Variants in PTPRN2 observed in about 807,000 individuals in gnomAD.
PTPRN2 encodes the protein receptor-type tyrosine-protein phosphatase N2.
PTPRN2 carries 74 observed loss-of-function variants against 118.8 expected under a neutral mutation model. That is an observed-to-expected ratio of 0.62 (90% CI 0.52 to 0.76). The LOEUF is 0.76. Among genes scored for constraint, PTPRN2 ranks in the 30% least tolerant of loss-of-function variants. The pLI, the probability that PTPRN2 is intolerant of heterozygous loss-of-function variation, is 0.00. For missense variants in PTPRN2, 1,481 were observed against 1,394.4 expected, an observed-to-expected ratio of 1.06 and a Z score of -0.99; for synonymous variants, 641 against 608.0, an observed-to-expected ratio of 1.05 and a Z score of -0.80.
chr7:158,306,163 T>C (rs565568512), intron 3 of PTPRN2, among the ~76,000 whole-genome samples: 1 of 152,342 alleles, frequency 6.6e-6, no homozygotes, highest in African/African-American at 2.4e-5. Context: ...ATGTTTTACT[T>C]ACCAGCCACC....
intron 11 of PTPRN2, among the ~76,000 whole-genome samples, chr7:157,927,572 C>T (rs983580644): frequency 8.1e-5 from 12 of 147,702 alleles, no homozygotes; most frequent in African/African-American, 2.5e-4. Flanking sequence ...AGACAGGAAG[C>T]CCCAGGGACC....
intron 11 of PTPRN2, among the ~76,000 whole-genome samples, chr7:157,917,474 G>A (rs1181517448): frequency 1.3e-5 from 2 of 152,226 alleles, no homozygotes; most frequent in Non-Finnish European, 1.5e-5. Context: ...GATTCTGCCG[G>A]GGGGCGGGGC....
intron 2 of PTPRN2, among the ~76,000 whole-genome samples, chr7:158,369,047 G>A (rs536598515): frequency 6.6e-6 from 1 of 152,078 alleles, no homozygotes; most frequent in Non-Finnish European, 1.5e-5. Flanking sequence ...GGCATGGCCA[G>A]AATATAAAGC....
In PTPRN2 at chr7:157,754,511, G is replaced by GGTGACA. The variant is rs1318675704; in HGVS notation, c.1789-71580_1789-71575dup. The stretch of plus-strand genomic sequence containing the variant: ...CCTGTCCCCCCTTGGCTGTGTCAGA[G>GGTGACA]GTGACAGTGACAGTGGCCTTCCATT... On this transcript the variant is annotated intron_variant, in intron 12 of 22. Transcript: ENST00000389418. Among the ~76,000 whole-genome samples the GGTGACA allele has an allele frequency of 2.0e-5, 3 of 152,362 alleles. No individual in the cohort carries two copies. The South Asian group carries it at 6.2e-4, about 32-fold the overall frequency.
chr7:157,760,916 G>A (rs1378347021), intron 12 of PTPRN2, among the ~76,000 whole-genome samples: 1 of 152,028 alleles, frequency 6.6e-6, no homozygotes, highest in East Asian at 1.9e-4. Flanking sequence ...TCCTTCTCCT[G>A]CCTAATTGCC....
chr7:158,498,837 T>C (rs1371514615), intron 1 of PTPRN2, among the ~76,000 whole-genome samples: 2 of 152,232 alleles, frequency 1.3e-5, no homozygotes, highest in Non-Finnish European at 2.9e-5. Flanking sequence ...GATTAAAATA[T>C]AGTATGACCC....
intron 2 of PTPRN2, among the ~76,000 whole-genome samples, chr7:158,359,427 C>T (rs112954617): frequency 2.0e-3 from 311 of 152,226 alleles, no homozygotes; most frequent in African/African-American, 6.7e-3. Context: ...TCAGTGCCAC[C>T]CAGGCACTCC....
chr7:158,091,929 T>G (rs1585409897), intron 10 of PTPRN2, among the ~76,000 whole-genome samples: 1 of 27,694 alleles, frequency 3.6e-5, no homozygotes. Flanking sequence ...GTTGGGTGGG[T>G]GGGTGGATGG....
At chr7:157,589,710 A>G (rs1225448481) in intron 17 of PTPRN2, among the ~76,000 whole-genome samples, 1 of 152,270 alleles carries the variant, frequency 6.6e-6, no homozygotes, top group Non-Finnish European at 1.5e-5. Flanking sequence ...CTAATTTAAA[A>G]TTTATTAGAA....
At chr7:157,884,730 G>A (rs936478125) in intron 12 of PTPRN2, among the ~76,000 whole-genome samples, 3 of 152,206 alleles carry the variant, frequency 2.0e-5, no homozygotes, top group African/African-American at 7.2e-5. Flanking sequence ...CAGATCTCAT[G>A]AGACTCATTG....
rs985846052 is a variant in PTPRN2 at position 157,598,567 on chromosome 7, C to T, written c.2419-3252G>A. On this transcript the variant is annotated intron_variant, in intron 16 of 22. Coordinates refer to ENST00000389418, the MANE Select transcript of PTPRN2 (RefSeq NM_002847.5). This position sits in a 1 kb window ranked among gnomAD's most constrained non-coding sequence, Gnocchi z 5.2. Reference sequence around the variant, plus strand: ...CAGGGAGTGAGGAGCTTGGATGATGCGGTTTCTAAGTGTCCTTTAGCTCTG... The same window carrying T: ...CAGGGAGTGAGGAGCTTGGATGATGTGGTTTCTAAGTGTCCTTTAGCTCTG... Among the ~76,000 whole-genome samples the T allele has an allele frequency of 1.4e-4, 21 of 152,100 alleles. No individual in the cohort carries two copies. The highest frequency in any genetic ancestry group is 4.8e-4 in the African/African-American group (20 of 41,408).
At chr7:158,212,288 T>C (rs1827656535) in intron 3 of PTPRN2, among the ~76,000 whole-genome samples, 1 of 152,126 alleles carries the variant, frequency 6.6e-6, no homozygotes, top group South Asian at 2.1e-4. Context: ...AAAATACAGT[T>C]AAGTAGAATG....
chr7:157,837,023 CA>C (rs1807991642), intron 12 of PTPRN2, among the ~76,000 whole-genome samples: 2 of 150,272 alleles, frequency 1.3e-5, no homozygotes, highest in Non-Finnish European at 1.5e-5. Context: ...ATCCACCCAC[CA>C]CCACCTGTCC....
chr7:157,642,425 G>A (rs949964532), intron 14 of PTPRN2, among the ~76,000 whole-genome samples: 2 of 152,384 alleles, frequency 1.3e-5, no homozygotes, highest in East Asian at 1.9e-4. Flanking sequence ...CTGAACTGCT[G>A]TGATTCAATT....
At chr7:158,188,212 G>GTATGGGGAAGGCCGCCACGCTCGCCC (rs1825366271) in intron 5 of PTPRN2, among the ~76,000 whole-genome samples, 7 of 29,422 alleles carry the variant, frequency 2.4e-4, no homozygotes, top group South Asian at 1.3e-3. Context: ...CACGCTCGCC[G>GTATGGGGAAGGCCGCCACGCTCGCCC]CCTGATGGGG....
At position 157,858,213 on chromosome 7, in the gene PTPRN2, CT is replaced by C. The variant is rs1563179354; in HGVS notation, c.1788+40459del. 2.1e-3 allele frequency among the ~76,000 whole-genome samples: 43 copies of C among 20,078 alleles called. 10 individuals are homozygous for C. The highest frequency in any genetic ancestry group is 0.019 in the East Asian group (7 of 366). The allele number at this position is 20,078 out of a possible 152,430, so 13.2% of individuals were successfully genotyped here. A position where few individuals can be genotyped will look rare whatever the true frequency, so the allele number is the denominator to read the frequency against. ...CCACCCACACTCCTGCAGGGAGAGC[CT>C]CCCAGCCACCACCCACACTCCTGCA... On this transcript the variant is annotated intron_variant, in intron 12 of 22. Coordinates refer to ENST00000389418, the MANE Select transcript of PTPRN2 (RefSeq NM_002847.5).
At chr7:158,324,339 T>G (rs1803301762) in intron 2 of PTPRN2, among the ~76,000 whole-genome samples, 2 of 152,316 alleles carry the variant, frequency 1.3e-5, no homozygotes, top group East Asian at 3.9e-4. Context: ...TGAATGACTA[T>G]AACTGGTATT....
intron 1 of PTPRN2, among the ~76,000 whole-genome samples, chr7:158,556,765 T>TGCTCCCACGCAGGTC (rs1335183549): frequency 2.4e-5 from 2 of 83,960 alleles, no homozygotes; most frequent in Non-Finnish European, 4.7e-5. Flanking sequence ...CCGAGCAGGT[T>TGCTCCCACGCAGGTC]GCTCCCACGC....
intron 2 of PTPRN2, among the ~76,000 whole-genome samples, chr7:158,345,405 T>C (rs773663729): frequency 8.5e-5 from 13 of 152,220 alleles, no homozygotes; most frequent in Non-Finnish European, 1.6e-4. Context: ...CAGAGGGTTT[T>C]ATGAAGAGTA....
Sources: gnomAD v4.1 joint callset for allele counts (sites outside exome capture counted in the v4.1 genomes callset) on GRCh38, gnomAD v4.1.1 for gene constraint, Gnocchi (gnomAD v3.1) non-coding constraint, MANE v1.5 for transcripts, NCBI Gene and HGNC (gene_info 2026-07-23, HGNC 2026-07-21) for gene names.